The following NFIA variants were observed in gnomAD, a reference collection of about 807,000 sequenced individuals.
NFIA encodes the protein nuclear factor I A.
NFIA carries 8 observed loss-of-function variants against 62.8 expected under a neutral mutation model. The ratio of observed to expected loss-of-function variants is 0.13; its 90% CI spans 0.07 to 0.23. The LOEUF (loss-of-function observed/expected upper bound fraction) is 0.23, where lower values mean the gene tolerates loss of function less well. NFIA is among the 10% of genes least tolerant of loss of function. The pLI is 1.00. For missense variants in NFIA, 410 were observed against 642.1 expected, an observed-to-expected ratio of 0.64 and a Z score of 3.91; for synonymous variants, 235 against 238.1, an observed-to-expected ratio of 0.99 and a Z score of 0.12.
At chr1:61,373,610 A>G (rs1469147243) in intron 6 of NFIA, among the ~76,000 whole-genome samples, 1 of 152,156 alleles carries the variant, frequency 6.6e-6, no homozygotes, top group Non-Finnish European at 1.5e-5. Flanking sequence ...AAGAGAGTAT[A>G]TTTAAGTAAA....
chr1:61,456,914 G>A lies in NFIA; in HGVS notation c.*1594G>A, dbSNP rs1021642172. 4 of 151,490 alleles carry A rather than the reference G, an allele frequency of 2.6e-5. No homozygotes were observed. The highest frequency in any genetic ancestry group is 1.9e-4 in the East Asian group (1 of 5,172). 9.4% of individuals were successfully genotyped at this position (151,490 alleles called of 1,614,324 possible). On this transcript the variant is annotated 3_prime_UTR_variant, in exon 11 of 11. Transcript: ENST00000403491. ...CGAAGCACCCCTTTGCTTCCCATGC[G>A]ACTTCAAGAAGGTTTCCTATACTAT...
chr1:61,225,206 A>G (rs976268339), intron 2 of NFIA, among the ~76,000 whole-genome samples: 7 of 151,928 alleles, frequency 4.6e-5, no homozygotes, highest in African/African-American at 1.7e-4. Context: ...AGCCTAAAAC[A>G]CAGTAAATAC....
chr1:61,314,692 T>G (rs1660280323), intron 3 of NFIA, among the ~76,000 whole-genome samples: 1 of 152,214 alleles, frequency 6.6e-6, no homozygotes, highest in Admixed American at 6.5e-5. Flanking sequence ...TTATCCTTGT[T>G]GCCCCCCATA....
chr1:61,086,806 A>G (rs1044400695), intron 1 of NFIA, among the ~76,000 whole-genome samples: 1 of 152,208 alleles, frequency 6.6e-6, no homozygotes, highest in Admixed American at 6.5e-5. Flanking sequence ...TATTCTGGAC[A>G]TTACTGCTAC....
At position 61,460,232 on chromosome 1, in the gene NFIA, G is replaced by A. The variant is rs1668477027; in HGVS notation, c.*4912G>A. 1.3e-5 allele frequency: 2 copies of A among 152,206 alleles called. No homozygotes were observed. The highest frequency in any genetic ancestry group is 1.9e-4 in the East Asian group (1 of 5,200). 9.4% of individuals were successfully genotyped at this position (152,206 alleles called of 1,614,324 possible). A position where few individuals can be genotyped will look rare whatever the true frequency, so the allele number is the denominator to read the frequency against. The stretch of plus-strand genomic sequence containing the variant: ...CTGCCTTCTCCACGTCCAAGGCTGT[G>A]CATTCGTCTAATTAGCGTCGTGTAT... On this transcript the variant is annotated 3_prime_UTR_variant, in exon 11 of 11. Transcript: ENST00000403491.
intron 7 of NFIA, among the ~76,000 whole-genome samples, chr1:61,395,294 T>G (rs533232288): frequency 6.6e-6 from 1 of 151,714 alleles, no homozygotes; most frequent in African/African-American, 2.4e-5. Context: ...GTGTGTTTTT[T>G]TTTTTTTTTA....
intron 3 of NFIA, among the ~76,000 whole-genome samples, chr1:61,286,794 T>A (rs545459964): frequency 5.9e-5 from 9 of 152,336 alleles, no homozygotes; most frequent in African/African-American, 2.2e-4. Context: ...GTGGGTACTG[T>A]CTTATAAAGG....
rs1428364076 is a variant in NFIA, at chr1:61,455,566, T to C, written c.*246T>C. ...ACTGTTGTAATTTCTCATATGGTGCTGGAAATGGTTGGGCTTTGTAACATT... is the reference window on the plus strand; with the variant it reads ...ACTGTTGTAATTTCTCATATGGTGCCGGAAATGGTTGGGCTTTGTAACATT... On this transcript the variant is annotated 3_prime_UTR_variant, in exon 11 of 11. Transcript: ENST00000403491. 5.3e-6 allele frequency: 3 copies of C among 564,624 alleles called. No individual in the cohort carries two copies. Among genetic ancestry groups the C allele is most frequent in the Non-Finnish European group, 9.2e-6 (3 of 327,208 alleles). The allele number at this position is 564,624 out of a possible 1,614,324, so 35.0% of individuals were successfully genotyped here. A position where few individuals can be genotyped will look rare whatever the true frequency, so the allele number is the denominator to read the frequency against.
intron 2 of NFIA, among the ~76,000 whole-genome samples, chr1:61,194,208 A>G (rs1363853300): frequency 2.6e-5 from 4 of 152,224 alleles, no homozygotes; most frequent in Non-Finnish European, 4.4e-5. Context: ...TCATAAAAAC[A>G]CTGACCCCAG....
intron 3 of NFIA, among the ~76,000 whole-genome samples, chr1:61,301,005 T>C (rs1659469796): frequency 6.6e-6 from 1 of 152,090 alleles, no homozygotes; most frequent in South Asian, 2.1e-4. Flanking sequence ...TGATTCTGAG[T>C]TTCCTGGCAG....
At chr1:61,162,270 G>A (rs1472353168) in intron 2 of NFIA, among the ~76,000 whole-genome samples, 1 of 152,164 alleles carries the variant, frequency 6.6e-6, no homozygotes, top group East Asian at 1.9e-4. Flanking sequence ...GATTCTGTGT[G>A]TCTGGGAAGG....
rs1048150819 is a variant in NFIA, at chr1:61,458,230, TAGC to T, written c.*2914_*2916del. The T allele has an allele frequency of 1.3e-5, 2 of 148,208 alleles. No homozygotes were observed. The highest frequency in any genetic ancestry group is 2.5e-5 in the African/African-American group (1 of 40,318). The allele number at this position is 148,208 out of a possible 1,614,324, so 9.2% of individuals were successfully genotyped here. ...AAAAAAGAAAAAAAAAAAGAAAAAA[TAGC>T]AGCTTTCAGTGCTTCACAGTGAAGG... On this transcript the variant is annotated 3_prime_UTR_variant, in exon 11 of 11. Coordinates refer to ENST00000403491, the MANE Select transcript of NFIA (RefSeq NM_001134673.4).
chr1:61,239,083 G>T (rs1282290494), intron 2 of NFIA, among the ~76,000 whole-genome samples: 1 of 152,170 alleles, frequency 6.6e-6, no homozygotes, highest in Non-Finnish European at 1.5e-5. Flanking sequence ...CAATCTTGCT[G>T]TAAGTTGTTA....
At chr1:61,178,356 A>G (rs1650536113) in intron 2 of NFIA, among the ~76,000 whole-genome samples, 1 of 152,140 alleles carries the variant, frequency 6.6e-6, no homozygotes, top group South Asian at 2.1e-4. Context: ...AATCATATTG[A>G]CATACTTTTG....
intron 3 of NFIA, among the ~76,000 whole-genome samples, chr1:61,319,942 C>A (rs1261596879): frequency 6.6e-6 from 1 of 152,028 alleles, no homozygotes; most frequent in Non-Finnish European, 1.5e-5. Flanking sequence ...GGCCTCAGAT[C>A]TGTGTTCTCT....
At chr1:61,178,876 C>A (rs548412066) in intron 2 of NFIA, among the ~76,000 whole-genome samples, 1 of 152,204 alleles carries the variant, frequency 6.6e-6, no homozygotes, top group Non-Finnish European at 1.5e-5. Flanking sequence ...GGCATATACT[C>A]AATAACGGAT....
intron 2 of NFIA, chr1:61,253,460 C>CG (rs1656175785): frequency 6.6e-6 from 1 of 152,326 alleles, no homozygotes; most frequent in Non-Finnish European, 1.5e-5. Context: ...GAGCACAGGT[C>CG]AGAGGCTAAA....
chr1:61,426,468 A>G lies in NFIA; in HGVS notation c.1424A>G (p.Tyr475Cys). The stretch of plus-strand genomic sequence containing the variant: ...CATGTGTCCCTTCCCTTCACAGCCT[A>G]CTCGACACCCAGCACCTCCCCCGCA... ...GGAASPTSPT[Y>C]STPSTSPANR... Residue 475 changes from tyrosine to cysteine, a missense_variant, in exon 10 of 11, where the codon TAC becomes TGC. By Grantham distance (194) the Tyr-to-Cys change is radical. Coordinates refer to ENST00000403491, the MANE Select transcript of NFIA (RefSeq NM_001134673.4). The G allele has an allele frequency of 6.4e-7, 1 of 1,550,862 alleles. No individual in the cohort carries two copies. The highest frequency in any genetic ancestry group is 8.7e-7 in the Non-Finnish European group (1 of 1,146,616).
intron 10 of NFIA, among the ~76,000 whole-genome samples, chr1:61,455,101 G>A (rs1668239400): frequency 6.6e-6 from 1 of 152,154 alleles, no homozygotes; most frequent in African/African-American, 2.4e-5. Context: ...CCCCAATGAA[G>A]ACAATGAATT....
Sources: gnomAD v4.1 joint callset for allele counts (sites outside exome capture counted in the v4.1 genomes callset) on GRCh38, gnomAD v4.1.1 for gene constraint, MANE v1.5 for transcripts, NCBI Gene and HGNC (gene_info 2026-07-23, HGNC 2026-07-21) for gene names.